The following RPA1 variants were observed in gnomAD, a reference collection of about 807,000 sequenced individuals.
RPA1 encodes the protein replication protein A 70 kDa DNA-binding subunit.
RPA1 carries 49 observed loss-of-function variants against 83.0 expected under a neutral mutation model. The observed-to-expected ratio is 0.59, with a 90% confidence interval of 0.47 to 0.75. The LOEUF (loss-of-function observed/expected upper bound fraction) is 0.75. RPA1 is among the 30% of genes least tolerant of loss of function. The pLI is 0.00. For synonymous variants in RPA1, 279 were observed against 281.8 expected (o/e 0.99, Z 0.10); for missense variants, 693 against 776.1 (o/e 0.89, Z 1.27).
At chr17:1,842,902 C>G in intron 2 of RPA1, 49 bp downstream of exon 2, 1 of 1,580,058 alleles carries the variant, frequency 6.3e-7, no homozygotes, top group South Asian at 1.1e-5. Context: ...TTGGAGTCAT[C>G]GAATTACAAG....
At chr17:1,887,691 C>T (rs1567826727) in intron 13 of RPA1, among the ~76,000 whole-genome samples, 1 of 151,840 alleles carries the variant, frequency 6.6e-6, no homozygotes, top group Non-Finnish European at 1.5e-5. Flanking sequence ...AGTTCGAGAC[C>T]AGCCTACCCA....
Position 1,888,188 on chromosome 17 carries a change from AAACAAGG to A in RPA1, c.1375-484_1375-478del, listed in dbSNP as rs1436782034. ...GAAGCAGCTTGCTGATCCCTGGCCT[AAACAAGG>A]AAAAGGTGAATCTAGGCCTAGACAC... On this transcript the variant is annotated intron_variant, in intron 13 of 16. Coordinates refer to ENST00000254719, the MANE Select transcript of RPA1 (RefSeq NM_002945.5). Among the ~76,000 whole-genome samples, 11 of 152,296 alleles carry A rather than the reference AAACAAGG, an allele frequency of 7.2e-5. No homozygotes were observed. The East Asian group carries it at 1.9e-3, about 27-fold the overall frequency.
chr17:1,830,847 C>T (rs1201114816), intron 1 of RPA1, among the ~76,000 whole-genome samples: 1 of 151,774 alleles, frequency 6.6e-6, no homozygotes, highest in African/African-American at 2.4e-5. Flanking sequence ...CTCACTGCAA[C>T]CTCCGTCTCC....
chr17:1,834,259 G>T (rs753585471), intron 1 of RPA1, among the ~76,000 whole-genome samples: 4 of 152,140 alleles, frequency 2.6e-5, no homozygotes, highest in South Asian at 2.1e-4. Flanking sequence ...GTCTCACTCT[G>T]TTGCCCATGC....
At position 1,880,608 on chromosome 17, in the gene RPA1, C is replaced by T. The variant is rs766806379; in HGVS notation, c.1158C>T (p.Phe386=). 11 of 1,613,978 alleles carry T rather than the reference C, an allele frequency of 6.8e-6. No individual in the cohort carries two copies. The highest frequency in any genetic ancestry group is 2.2e-5 in the East Asian group (1 of 44,892). The change falls in exon 12 of 17, where the codon TTC becomes TTT. Residue 386 remains phenylalanine (F), a synonymous_variant. Coordinates refer to ENST00000254719, the MANE Select transcript of RPA1 (RefSeq NM_002945.5). ...TCAAAGGAGCCCGAGTCTCTGATTT[C>T]GGTGGACGGAGCCTCTCCGTGCTGT... ...LAIKGARVSD[F]GGRSLSVLSS... is the part of the protein sequence containing the mutation.
At chr17:1,844,977 C>T (rs1240244901) in intron 4 of RPA1, among the ~76,000 whole-genome samples, 1 of 151,988 alleles carries the variant, frequency 6.6e-6, no homozygotes, top group Non-Finnish European at 1.5e-5. Flanking sequence ...TTGGTAGAAA[C>T]GGGGTTTTGC....
At chr17:1,881,805 G>A (rs1913810168) in intron 12 of RPA1, among the ~76,000 whole-genome samples, 1 of 152,180 alleles carries the variant, frequency 6.6e-6, no homozygotes, top group South Asian at 2.1e-4. Flanking sequence ...CAAGCTCAGT[G>A]CATACATGAT....
rs201568683 is a variant in RPA1 at position 1,883,878 on chromosome 17, A to T, written c.1308A>T (p.Gly436=). 1 of 1,614,156 alleles carries T rather than the reference A, an allele frequency of 6.2e-7. No individual in the cohort carries two copies. The highest frequency in any genetic ancestry group is 1.1e-5 in the South Asian group (1 of 91,084). The change falls in exon 13 of 17, where the codon GGA becomes GGT. Residue 436 remains glycine (G), a synonymous_variant. Coordinates refer to ENST00000254719, the MANE Select transcript of RPA1 (RefSeq NM_002945.5). The stretch of plus-strand genomic sequence containing the variant: ...CTGATCTAAAGAGCGGCGGAGTCGG[A>T]GGGAGTAACACCAACTGGAAAACCT... ...SISDLKSGGV[G]GSNTNWKTLY... is the part of the protein sequence containing the mutation.
intron 6 of RPA1, among the ~76,000 whole-genome samples, chr17:1,874,012 A>AAT (rs1180376121): frequency 1.2e-3 from 108 of 93,800 alleles, no homozygotes; most frequent in East Asian, 4.8e-3. Flanking sequence ...AAAAAAAAAA[A>AAT]ATATATATAT....
rs181378786 is a variant in RPA1 at position 1,850,104 on chromosome 17, G to A, written c.273-2997G>A. ...GGAGAATCACTTGAACCCGGGAGATGGAGGTTGCAGTGAGTTGAGATCGCC... is the reference window on the plus strand; with the variant it reads ...GGAGAATCACTTGAACCCGGGAGATAGAGGTTGCAGTGAGTTGAGATCGCC... On this transcript the variant is annotated intron_variant, in intron 4 of 16. Transcript: ENST00000254719. 1.2e-3 allele frequency among the ~76,000 whole-genome samples: 176 copies of A among 151,904 alleles called. 1 individual carries two copies. Among genetic ancestry groups the A allele is most frequent in the African/African-American group, 4.2e-3 (175 of 41,412 alleles).
chr17:1,874,032 T>TACAC (rs67199303), intron 6 of RPA1, among the ~76,000 whole-genome samples: 4,870 of 78,690 alleles, frequency 0.062, 301 homozygotes, highest in African/African-American at 0.12. Flanking sequence ...TATATATATA[T>TACAC]ACACACACAC....
At chr17:1,843,878 G>A (rs759324897) in intron 2 of RPA1, 42 bp from the exon 3 acceptor site, 44 of 1,559,140 alleles carry the variant, frequency 2.8e-5, no homozygotes, top group Non-Finnish European at 3.6e-5. Context: ...CCCTGGGGAC[G>A]GGGCAGACAA....
intron 9 of RPA1, 60 bp downstream of exon 9, chr17:1,879,121 C>T (rs375716163): frequency 1.5e-5 from 24 of 1,610,926 alleles, no homozygotes; most frequent in African/African-American, 2.7e-5. Flanking sequence ...GATGAAAAGA[C>T]GCTGGCCCAG....
chr17:1,874,024 T>C (rs1348737216), intron 6 of RPA1, among the ~76,000 whole-genome samples: 24 of 111,100 alleles, frequency 2.2e-4, no homozygotes, highest in South Asian at 1.2e-3. Flanking sequence ...TATATATATA[T>C]ATATATATAC....
In RPA1 at chr17:1,888,734, C is replaced by G; in HGVS notation, c.1434C>G (p.Tyr478Ter). ...VVYLRKENCMYQACPTQDCNK... is the reference protein window; with the variant it reads ...VVYLRKENCM ...ATCTTCGCAAAGAGAACTGCATGTA[C>G]CAAGCCTGCCCGACTCAGGACTGCA... is the stretch of plus-strand genomic sequence containing the variant. Residue 478 changes from tyrosine (Y) to a stop codon, truncating the protein, a stop_gained, in exon 14 of 17, where the codon TAC becomes TAG. Transcript: ENST00000254719. LOFTEE classifies it high-confidence loss of function. The G allele has an allele frequency of 3.1e-6, 5 of 1,614,210 alleles. No homozygotes were observed. Among genetic ancestry groups the G allele is most frequent in the Non-Finnish European group, 4.2e-6 (5 of 1,180,038 alleles).
chr17:1,842,963 C>A, intron 2 of RPA1, 110 bp downstream of exon 2: 2 of 1,127,416 alleles, frequency 1.8e-6, no homozygotes, highest in East Asian at 2.4e-5. Context: ...AAATTCACCC[C>A]CAGTCACAAA....
chr17:1,842,287 G>A (rs1411234950), intron 1 of RPA1, among the ~76,000 whole-genome samples: 1 of 151,950 alleles, frequency 6.6e-6, no homozygotes, highest in Non-Finnish European at 1.5e-5. Flanking sequence ...ATGTTAGATA[G>A]GATTCACCAA....
At chr17:1,873,346 C>T (rs372429663) in intron 6 of RPA1, among the ~76,000 whole-genome samples, 1 of 152,162 alleles carries the variant, frequency 6.6e-6, no homozygotes, top group East Asian at 1.9e-4. Context: ...TGTTTACTTT[C>T]TGGCCTTTAC....
chr17:1,831,581 C>T (rs62066334), intron 1 of RPA1, among the ~76,000 whole-genome samples: 38,559 of 151,006 alleles, frequency 0.26, 5,438 homozygotes, highest in East Asian at 0.5. Flanking sequence ...CTCCTACCTT[C>T]TTCCATGGGG....
Sources: gnomAD v4.1 joint callset for allele counts (sites outside exome capture counted in the v4.1 genomes callset) on GRCh38, gnomAD v4.1.1 for gene constraint, MANE v1.5 for transcripts, NCBI Gene and HGNC (gene_info 2026-07-23, HGNC 2026-07-21) for gene names.